The following MTOR variants were observed in gnomAD, a reference collection of about 807,000 sequenced individuals.
MTOR encodes the protein serine/threonine-protein kinase mTOR.
Under a neutral mutation model 319.8 loss-of-function variants are expected in MTOR, and 70 were observed. The ratio of observed to expected loss-of-function variants is 0.22; its 90% CI spans 0.18 to 0.27. MTOR has a LOEUF of 0.27. MTOR is among the 10% of genes least tolerant of loss of function. The pLI, the probability that MTOR is intolerant of heterozygous loss-of-function variation, is 1.00. For synonymous variants in MTOR, 1,183 were observed against 1,211.4 expected (o/e 0.98, Z 0.49); for missense variants, 1,890 against 3,274.4 (o/e 0.58, Z 10.32).
chr1:11,207,094 C>CT lies in MTOR; in HGVS notation c.3801+2217dup, dbSNP rs202125043. ...ACTTCTGAACAATGAGGTCTGCTGCCTTTTTTTGTCGTTGTTGTTGGTGAG... is the reference window on the plus strand; with the variant it reads ...ACTTCTGAACAATGAGGTCTGCTGCCTTTTTTTTGTCGTTGTTGTTGGTGAG... On this transcript the variant is annotated intron_variant, in intron 25 of 57. Transcript: ENST00000361445. Among the ~76,000 whole-genome samples the CT allele has an allele frequency of 6.4e-3, 971 of 152,146 alleles. 16 individuals are homozygous for CT. The highest frequency in any genetic ancestry group is 0.023 in the African/African-American group (945 of 41,510).
chr1:11,120,766 C>T (rs1642481851), intron 49 of MTOR, among the ~76,000 whole-genome samples: 1 of 152,092 alleles, frequency 6.6e-6, no homozygotes, highest in African/African-American at 2.4e-5. Flanking sequence ...GAATGTTATA[C>T]AATGTAAACA....
At chr1:11,251,243 C>G (rs1457449607) in intron 6 of MTOR, among the ~76,000 whole-genome samples, 4 of 152,156 alleles carry the variant, frequency 2.6e-5, no homozygotes, top group East Asian at 1.9e-4. Context: ...GGTAGGGGAG[C>G]TGCTACTGCA....
In MTOR at chr1:11,144,638, C is replaced by G. The variant is rs2100505439; in HGVS notation, c.4872+10G>C. 6.2e-7 allele frequency: 1 copy of G among 1,613,834 alleles called. No homozygotes were observed. The highest frequency in any genetic ancestry group is 8.5e-7 in the Non-Finnish European group (1 of 1,179,808). On this transcript the variant is annotated intron_variant, in intron 34 of 57. Transcript: ENST00000361445. ...TAGGTGGGTGAACTGGGGCTTTCTA[C>G]CAAGCTCACCTGCAGTCTCTCCCAC... is the stretch of plus-strand genomic sequence containing the variant.
chr1:11,258,447 G>A (rs1208196378), intron 3 of MTOR, 38 bp downstream of exon 3: 4 of 1,392,938 alleles, frequency 2.9e-6, no homozygotes, highest in Non-Finnish European at 4.1e-6. Context: ...GCACAAAGGT[G>A]AGTGTGTTGT....
chr1:11,149,986 T>C (rs146962233), intron 31 of MTOR, 140 bp downstream of exon 31: 758 of 605,698 alleles, frequency 1.3e-3, no homozygotes, highest in Non-Finnish European at 1.4e-3. Flanking sequence ...ATGGAAGGTG[T>C]AGAAGTAGGT....
chr1:11,192,429 G>T, intron 28 of MTOR: 1 of 1,398,354 alleles, frequency 7.2e-7, no homozygotes. Flanking sequence ...CCCTCAAGGG[G>T]ACTACAACAA....
intron 28 of MTOR, among the ~76,000 whole-genome samples, chr1:11,168,282 GATCCTCCTGCCTC>G (rs1183861684): frequency 4.0e-5 from 6 of 151,148 alleles, no homozygotes; most frequent in Non-Finnish European, 8.8e-5. Flanking sequence ...GGGCTCAAGT[GATCCTCCTGCCTC>G]AGCCTCCTGA....
In MTOR at chr1:11,199,780, C is replaced by A. The variant is rs148606154; in HGVS notation, c.3945-77G>T. 4 of 1,508,842 alleles carry A rather than the reference C, an allele frequency of 2.7e-6. No homozygotes were observed. Among genetic ancestry groups the A allele is most frequent in the Non-Finnish European group, 3.6e-6 (4 of 1,104,938 alleles). 93.5% of individuals were successfully genotyped at this position (1,508,842 alleles called of 1,614,324 possible). A position where few individuals can be genotyped will look rare whatever the true frequency, so the allele number is the denominator to read the frequency against. On this transcript the variant is annotated intron_variant, in intron 26 of 57. Transcript: ENST00000361445. The surrounding 1 kb of genome is among the most constrained non-coding windows in gnomAD (Gnocchi z 4.5). ...TGCCTCAAAGTCACACCTATCAATT[C>A]GCTTTTGGCATCACTGATTTTGGTT... is the stretch of plus-strand genomic sequence containing the variant.
rs781531830 is a variant in MTOR at position 11,257,206 on chromosome 1, T to C, written c.272-41A>G. The stretch of plus-strand genomic sequence containing the variant: ...AGGCAAAAGGTGATGATGGGGCGTA[T>C]GCTGGCCAGGAAAGTACGCAGACTT... On this transcript the variant is annotated intron_variant, in intron 3 of 57. Transcript: ENST00000361445. 4 of 1,542,754 alleles carry C rather than the reference T, an allele frequency of 2.6e-6. No homozygotes were observed. In the African/African-American group the frequency reaches 5.4e-5, roughly 21 times the overall value.
chr1:11,250,156 C>T (rs564668175), intron 6 of MTOR, among the ~76,000 whole-genome samples: 4,754 of 128,062 alleles, frequency 0.037, 201 homozygotes, highest in Non-Finnish European at 0.056. Context: ...CCGGACAGGG[C>T]GGCTGGCCGG....
intron 49 of MTOR, among the ~76,000 whole-genome samples, chr1:11,118,228 A>AGTTTTTTTTTTTTTTTTT (rs1557742913): frequency 8.3e-6 from 1 of 120,766 alleles, no homozygotes; most frequent in African/African-American, 4.0e-5. Context: ...AACTTAGTTA[A>AGTTTTTTTTTTTTTTTTT]TTTTTTTTTT....
At position 11,216,186 on chromosome 1, in the gene MTOR, T is replaced by C; in HGVS notation, c.3079A>G (p.Ile1027Val). Residue 1027 changes from isoleucine (I) to valine (V), a missense_variant, in exon 20 of 58, where the codon ATC (isoleucine) becomes GTC (valine). Physicochemically the swap from Ile to Val is conservative, Grantham distance 29. Transcript: ENST00000361445. ...GMLVSFVKSHIRPYMDEIVTL... is the reference protein window; with the variant it reads ...GMLVSFVKSHVRPYMDEIVTL... ...ACTATTTCATCCATATAAGGTCTGA[T>C]GTGGCTCTTCACAAAGGACACCAAC... 2 of 1,614,084 alleles carry C rather than the reference T, an allele frequency of 1.2e-6. No homozygotes were observed. The highest frequency in any genetic ancestry group is 1.3e-5 in the African/African-American group (1 of 75,052).
chr1:11,177,628 T>C (rs916616775), intron 28 of MTOR, among the ~76,000 whole-genome samples: 3 of 152,144 alleles, frequency 2.0e-5, no homozygotes, highest in African/African-American at 4.8e-5. Context: ...ATTCTTACTA[T>C]GTCTTCATCC....
chr1:11,216,330 G>T, intron 19 of MTOR, 96 bp from the exon 20 acceptor site: 1 of 861,554 alleles, frequency 1.2e-6, no homozygotes. Context: ...GGCAACTATG[G>T]AATGGGTTTC....
At chr1:11,261,376 G>C (rs914210359) in intron 1 of MTOR, among the ~76,000 whole-genome samples, 4 of 151,954 alleles carry the variant, frequency 2.6e-5, no homozygotes, top group African/African-American at 9.6e-5. Flanking sequence ...GGAGGCTGAG[G>C]CAGGAGAATG....
At chr1:11,179,683 TAG>T (rs1295288692) in intron 28 of MTOR, among the ~76,000 whole-genome samples, 4 of 152,142 alleles carry the variant, frequency 2.6e-5, no homozygotes, top group Admixed American at 2.6e-4. Context: ...TGACAGCAGC[TAG>T]AAGTAAATGC....
Position 11,261,365 on chromosome 1 carries a change from G to C in MTOR, c.-15+1080C>G, listed in dbSNP as rs545058732. On this transcript the variant is annotated intron_variant, in intron 1 of 57. Coordinates refer to ENST00000361445, the MANE Select transcript of MTOR (RefSeq NM_004958.4). ...CGGGCGCCTGTAGTCCCAGCTACTC[G>C]GGAGGCTGAGGCAGGAGAATGGCGG... Among the ~76,000 whole-genome samples the C allele has an allele frequency of 5.9e-5, 9 of 151,552 alleles. No individual in the cohort carries two copies. In the South Asian group the frequency reaches 6.2e-4, roughly 11 times the overall value.
At chr1:11,144,453 T>C (rs576671192) in intron 34 of MTOR, 195 bp downstream of exon 34, 3 of 531,206 alleles carry the variant, frequency 5.6e-6, no homozygotes, top group Admixed American at 6.1e-5. Context: ...GACTGGAAAA[T>C]TGGTCATTCT....
chr1:11,179,892 G>A (rs1239021808), intron 28 of MTOR, among the ~76,000 whole-genome samples: 1 of 152,196 alleles, frequency 6.6e-6, no homozygotes, highest in Non-Finnish European at 1.5e-5. Flanking sequence ...AAGTCAGCAC[G>A]AACATAGAAG....
Sources: allele counts gnomAD v4.1 joint callset (sites outside exome capture counted in the v4.1 genomes callset), GRCh38; gene constraint gnomAD v4.1.1; non-coding constraint Gnocchi (gnomAD v3.1); transcripts MANE v1.5; gene names NCBI Gene and HGNC (gene_info 2026-07-23, HGNC 2026-07-21).